Variants in VPS13C observed in about 807,000 individuals in gnomAD.
VPS13C encodes intermembrane lipid transfer protein VPS13C.
Under a neutral mutation model 456.8 loss-of-function variants are expected in VPS13C, and 358 were observed. The observed-to-expected ratio is 0.78, with a 90% CI of 0.72 to 0.86. The LOEUF (loss-of-function observed/expected upper bound fraction) is 0.86, where lower values mean the gene tolerates loss of function less well. Ranked by LOEUF, VPS13C falls within the 40% of genes least tolerant of loss-of-function variation. The pLI, the probability that VPS13C is intolerant of heterozygous loss-of-function variation, is 0.00. For synonymous variants in VPS13C, 1,578 were observed against 1,486.7 expected (o/e 1.06, Z -1.41); for missense variants, 4,818 against 4,385.4 (o/e 1.10, Z -2.79).
chr15:62,000,541 A>T (rs771743862), intron 16 of VPS13C, 23 bp downstream of exon 16: 2 of 1,598,474 alleles, frequency 1.3e-6, no homozygotes, highest in Non-Finnish European at 1.7e-6. Context: ...TAAAACATAA[A>T]ATCAGCTAAT....
Position 62,060,437 on chromosome 15 carries a change from A to C in VPS13C, c.-63T>G. On this transcript the variant is annotated 5_prime_UTR_variant, in exon 1 of 85. Coordinates refer to ENST00000644861, the MANE Select transcript of VPS13C (RefSeq NM_020821.3). ...CCGCCCGGCGCAGCTGAGGGCTGCG[A>C]CCAGCGCTGCAAATGACAGCCCCTC... 2.4e-6 allele frequency: 2 copies of C among 842,532 alleles called. No homozygotes were observed. The highest frequency in any genetic ancestry group is 1.8e-5 in the African/African-American group (1 of 55,452). 52.2% of individuals were successfully genotyped at this position (842,532 alleles called of 1,614,324 possible). A position where few individuals can be genotyped will look rare whatever the true frequency, so the allele number is the denominator to read the frequency against.
chr15:61,968,991 G>C (rs1423027758), intron 28 of VPS13C, among the ~76,000 whole-genome samples: 1 of 152,070 alleles, frequency 6.6e-6, no homozygotes, highest in Non-Finnish European at 1.5e-5. Context: ...TATTAATTAA[G>C]AGCACAGACC....
intron 67 of VPS13C, among the ~76,000 whole-genome samples, chr15:61,886,277 T>C (rs1352268458): frequency 6.6e-6 from 1 of 152,192 alleles, no homozygotes; most frequent in African/African-American, 2.4e-5. Flanking sequence ...TTTCTGGCCA[T>C]TGCTTTCCTG....
In VPS13C at chr15:61,908,944, T is replaced by C. The variant is rs745928375; in HGVS notation, c.8978+48A>G. On this transcript the variant is annotated intron_variant, in intron 65 of 84. Coordinates refer to ENST00000644861, the MANE Select transcript of VPS13C (RefSeq NM_020821.3). ...TGAAACCAAAGTGTTTCCCATTAGT[T>C]ACTATGAACCAATAAAAGTATTTCC... 2.5e-6 allele frequency: 4 copies of C among 1,584,806 alleles called. No individual in the cohort carries two copies. In the African/African-American group the frequency reaches 5.4e-5, roughly 21 times the overall value.
chr15:61,956,798 A>G (rs540386832), intron 37 of VPS13C, among the ~76,000 whole-genome samples: 31 of 152,312 alleles, frequency 2.0e-4, no homozygotes, highest in African/African-American at 7.5e-4. Flanking sequence ...GGCAATGCCA[A>G]GTACTGGGGA....
chr15:62,041,296 T>A, intron 3 of VPS13C, 28 bp downstream of exon 3: 1 of 1,587,426 alleles, frequency 6.3e-7, no homozygotes, highest in Non-Finnish European at 8.5e-7. Context: ...GGACCAAGAA[T>A]AATTCAAATG....
chr15:62,023,483 T>A lies in VPS13C; in HGVS notation c.552A>T (p.Glu184Asp). 6.3e-7 allele frequency: 1 copy of A among 1,587,608 alleles called. No homozygotes were observed. The highest frequency in any genetic ancestry group is 8.6e-7 in the Non-Finnish European group (1 of 1,169,424). ...PKEAKKDTFV[E>D]KLATQVIKNV... is the part of the protein sequence containing the mutation. ...TTTTTATTACTTGAGTTGCCAATTT[T>A]TCCACAAATGTATCCTTTTTGGCTT... The change falls in exon 8 of 85, where the codon GAA becomes GAT. Residue 184 changes from glutamate (E) to aspartate (D), a missense_variant. Glu to Asp is a conservative substitution (Grantham distance 45, BLOSUM62 2). This residue lies in a region of VPS13C where 4,552 missense variants were observed against 4,130.6 expected (regional missense o/e 1.10). Coordinates refer to ENST00000644861, the MANE Select transcript of VPS13C (RefSeq NM_020821.3).
chr15:61,895,363 G>T (rs1356947098), intron 66 of VPS13C, among the ~76,000 whole-genome samples: 1 of 151,874 alleles, frequency 6.6e-6, no homozygotes, highest in Admixed American at 6.6e-5. Flanking sequence ...ATAAAGATCA[G>T]AGCAGAAATA....
chr15:61,856,491 C>T (rs1596258862), intron 82 of VPS13C, 82 bp from the exon 83 acceptor site: 1 of 1,520,232 alleles, frequency 6.6e-7, no homozygotes, highest in East Asian at 2.3e-5. Context: ...TACTGGATGG[C>T]AGAGGTAGCA....
chr15:61,977,074 T>C lies in VPS13C; in HGVS notation c.2408+8A>G, dbSNP rs748474394. On this transcript the variant is annotated splice_region_variant and intron_variant, in intron 24 of 84. Coordinates refer to ENST00000644861, the MANE Select transcript of VPS13C (RefSeq NM_020821.3). ...GATTTTCTAATATAAAAGAAGTTTA[T>C]ACATTACCTGGCCATTCTAATGTCT... The C allele has an allele frequency of 2.9e-5, 46 of 1,566,818 alleles. 1 individual carries two copies. In the South Asian group the frequency reaches 3.8e-4, roughly 13 times the overall value.
Position 61,880,858 on chromosome 15 carries a change from T to G in VPS13C, c.9873A>C (p.Glu3291Asp), listed in dbSNP as rs1377821971. Residue 3291 changes from glutamate to aspartate, a missense_variant, in exon 72 of 85, where the codon GAA becomes GAC. This residue lies in a region of VPS13C where 4,552 missense variants were observed against 4,130.6 expected (regional missense o/e 1.10). Coordinates refer to ENST00000644861, the MANE Select transcript of VPS13C (RefSeq NM_020821.3). ...AAATTTTTACCCGTCTTCTTTCAGC[T>G]TCAGGGTCTGTTGTTGGGGTAAACA... ...IALFTPTTDP[E>D]AERRRTKLIQ... 1 of 1,596,622 alleles carries G rather than the reference T, an allele frequency of 6.3e-7. No individual in the cohort carries two copies. The highest frequency in any genetic ancestry group is 1.3e-5 in the African/African-American group (1 of 74,096).
At position 61,934,809 on chromosome 15, in the gene VPS13C, G is replaced by C. The variant is rs2044171534; in HGVS notation, c.5756-478C>G. On this transcript the variant is annotated intron_variant, in intron 48 of 84. Coordinates refer to ENST00000644861, the MANE Select transcript of VPS13C (RefSeq NM_020821.3). ...TGTGTTGCCCAGGCTGGAGTGCAGTGGCACGATCTCAGCTCACTGCAAGCT... is the reference window on the plus strand; with the variant it reads ...TGTGTTGCCCAGGCTGGAGTGCAGTCGCACGATCTCAGCTCACTGCAAGCT... Among the ~76,000 whole-genome samples the C allele has an allele frequency of 2.0e-5, 3 of 152,042 alleles. No individual in the cohort carries two copies. In the South Asian group the frequency reaches 6.2e-4, roughly 31 times the overall value.
intron 61 of VPS13C, 116 bp downstream of exon 61, chr15:61,915,517 T>G: frequency 8.8e-7 from 1 of 1,134,854 alleles, no homozygotes; most frequent in Non-Finnish European, 1.2e-6. Context: ...TGAACCTAAT[T>G]CACACCAATG....
At chr15:61,923,261 G>A (rs184581109) in intron 53 of VPS13C, among the ~76,000 whole-genome samples, 1 of 150,462 alleles carries the variant, frequency 6.6e-6, no homozygotes, top group Non-Finnish European at 1.5e-5. Context: ...AAAGCTGGAA[G>A]ACTCAAAATC....
chr15:61,919,309 TAA>T lies in VPS13C; in HGVS notation c.7616_7617del (p.Ile2539AsnfsTer20). The T allele has an allele frequency of 6.2e-7, 1 of 1,604,932 alleles. No homozygotes were observed. Among genetic ancestry groups the T allele is most frequent in the Non-Finnish European group, 8.5e-7 (1 of 1,176,162 alleles). ...QIDATEGNKV[I>X]TLRSPLQIKN... ...ATTACCTGTAGAGGAGAGCGAAGGG[TAA>T]TTACTTTATTCCCTTCAGTTGCATC... On this transcript the variant is annotated frameshift_variant, in exon 58 of 85. Transcript: ENST00000644861. LOFTEE classifies it high-confidence loss of function.
At position 61,945,801 on chromosome 15, in the gene VPS13C, CA is replaced by C; in HGVS notation, c.5061del (p.Asp1688IlefsTer5). 1 of 1,613,444 alleles carries C rather than the reference CA, an allele frequency of 6.2e-7. No individual in the cohort carries two copies. The highest frequency in any genetic ancestry group is 8.5e-7 in the Non-Finnish European group (1 of 1,179,712). On this transcript the variant is annotated frameshift_variant, in exon 45 of 85. Coordinates refer to ENST00000644861, the MANE Select transcript of VPS13C (RefSeq NM_020821.3). LOFTEE classifies it high-confidence loss of function. ...AGTTTGCCGTCTACTTTGGACATAT[CA>C]GCATAGGCCTCTCCTTCTGTGGCAT... ...YPDATEGEAY[A>X]DMSKVDGKLS...
At chr15:61,954,013 T>A (rs2044896692) in intron 38 of VPS13C, among the ~76,000 whole-genome samples, 1 of 152,358 alleles carries the variant, frequency 6.6e-6, no homozygotes, top group Non-Finnish European at 1.5e-5. Flanking sequence ...GTATTTCATC[T>A]TTCCTCAAGA....
intron 81 of VPS13C, chr15:61,866,765 T>G (rs992179202): frequency 1.0e-6 from 1 of 984,446 alleles, no homozygotes; most frequent in South Asian, 4.7e-5. Context: ...TGTCAGTCTT[T>G]CTTCTTTAAA....
rs182616208 is a variant in VPS13C, at chr15:61,982,747, G to C, written c.1915-174C>G. Among the ~76,000 whole-genome samples, 22 of 152,304 alleles carry C rather than the reference G, an allele frequency of 1.4e-4. No homozygotes were observed. In the East Asian group the frequency reaches 4.2e-3, roughly 29 times the overall value. On this transcript the variant is annotated intron_variant, in intron 20 of 84. Coordinates refer to ENST00000644861, the MANE Select transcript of VPS13C (RefSeq NM_020821.3). ...AAAAGAGAACCTGGAGAAAGGAAGA[G>C]CCTAAGCAAGCTTACTGGAGAGGCA... is the stretch of plus-strand genomic sequence containing the variant.
Sources: gnomAD v4.1 joint callset for allele counts (sites outside exome capture counted in the v4.1 genomes callset) on GRCh38, gnomAD v4.1.1 for gene constraint, gnomAD v4.1.1 regional missense constraint, MANE v1.5 for transcripts, NCBI Gene and HGNC (gene_info 2026-07-23, HGNC 2026-07-21) for gene names.